The following JAG2 variants were observed in gnomAD, a reference collection of about 807,000 sequenced individuals.
The protein encoded by JAG2 is jagged canonical Notch ligand 2.
Under a neutral mutation model 141.7 loss-of-function variants are expected in JAG2, and 46 were observed. The observed-to-expected ratio is 0.32, with a 90% CI of 0.26 to 0.42. JAG2 has a LOEUF of 0.42. Ranked by LOEUF, JAG2 falls within the 10% of genes least tolerant of loss-of-function variation. JAG2 has a pLI of 1.00. For missense variants in JAG2, 1,500 were observed against 1,817.5 expected, an observed-to-expected ratio of 0.83 and a Z score of 3.18; for synonymous variants, 862 against 763.5, an observed-to-expected ratio of 1.13 and a Z score of -2.13.
intron 20 of JAG2, chr14:105,147,060 C>T (rs903729764): frequency 6.6e-6 from 4 of 603,524 alleles, no homozygotes; most frequent in South Asian, 2.0e-5. Flanking sequence ...GAGGAGCCCA[C>T]GTCAGGCTGC....
intron 18 of JAG2, 31 bp from the exon 19 acceptor site, chr14:105,147,558 A>G (rs758721778): frequency 1.2e-6 from 2 of 1,606,190 alleles, no homozygotes; most frequent in African/African-American, 1.3e-5. Context: ...GCAGGGGATC[A>G]GTACCCACCC....
chr14:105,147,655 TGGGGGCAGGGGCAGC>T, intron 18 of JAG2, 102 bp downstream of exon 18: 1 of 763,444 alleles, frequency 1.3e-6, no homozygotes, highest in Non-Finnish European at 1.9e-6. Flanking sequence ...TGCCTTTTGC[TGGGGGCAGGGGCAGC>T]AGGGGGAGGG....
intron 2 of JAG2, among the ~76,000 whole-genome samples, chr14:105,162,988 C>T (rs1484112114): frequency 6.6e-6 from 1 of 151,778 alleles, no homozygotes; most frequent in East Asian, 1.9e-4. Context: ...AAGGCCAACA[C>T]AGCCTCCCTG....
Position 105,145,711 on chromosome 14 carries a change from G to A in JAG2, c.2952+20C>T. On this transcript the variant is annotated intron_variant, in intron 23 of 25. Coordinates refer to ENST00000331782, the MANE Select transcript of JAG2 (RefSeq NM_002226.5). ...CCGGCGTGTGGCCTCTGCAAGCTCA[G>A]ATGCCACCAGGCCCCTCACCTGGGG... The A allele has an allele frequency of 1.3e-6, 2 of 1,582,082 alleles. No homozygotes were observed. The highest frequency in any genetic ancestry group is 2.3e-5 in the East Asian group (1 of 42,622).
In JAG2 at chr14:105,168,471, T is replaced by G; in HGVS notation, c.-51A>C. 1 of 498,482 alleles carries G rather than the reference T, an allele frequency of 2.0e-6. No individual in the cohort carries two copies. The highest frequency in any genetic ancestry group is 2.6e-6 in the Non-Finnish European group (1 of 391,980). The allele number at this position is 498,482 out of a possible 1,614,324, so 30.9% of individuals were successfully genotyped here. Reference sequence around the variant, plus strand: ...CCCGCCGCCGCCGCCCGCGCCCGGCTCCCAGCCGCCGCGCCGGCCTCCCAG... The same window carrying G: ...CCCGCCGCCGCCGCCCGCGCCCGGCGCCCAGCCGCCGCGCCGGCCTCCCAG... On this transcript the variant is annotated 5_prime_UTR_variant, in exon 1 of 26. Transcript: ENST00000331782.
chr14:105,158,270 G>C (rs1393519650), intron 2 of JAG2, among the ~76,000 whole-genome samples: 1 of 152,096 alleles, frequency 6.6e-6, no homozygotes, highest in East Asian at 1.9e-4. Flanking sequence ...GCCAAGTACA[G>C]GGCGCCCAGC....
chr14:105,144,249 T>G (rs946790023), intron 24 of JAG2, among the ~76,000 whole-genome samples: 10 of 135,926 alleles, frequency 7.4e-5, no homozygotes, highest in African/African-American at 2.5e-4. Flanking sequence ...GCTGTGCCCC[T>G]GCCTCCACCA....
chr14:105,143,025 G>C lies in JAG2; in HGVS notation c.3387C>G (p.Ala1129=). The C allele has an allele frequency of 5.0e-6, 8 of 1,605,986 alleles. No individual in the cohort carries two copies. The highest frequency in any genetic ancestry group is 6.8e-6 in the Non-Finnish European group (8 of 1,179,676). ...TGGGGTTGCGGATGGGGTTGAGCGG[G>C]GCCCACTGGTTGTTGGCGCTCTCCT... ...PREESANNQW[A]PLNPIRNPIE... is the part of the protein sequence containing the mutation. The change falls in exon 26 of 26, where the codon GCC becomes GCG. Residue 1129 remains alanine (A), a synonymous_variant. Coordinates refer to ENST00000331782, the MANE Select transcript of JAG2 (RefSeq NM_002226.5).
chr14:105,161,496 T>C (rs1888746111), intron 2 of JAG2, among the ~76,000 whole-genome samples: 1 of 152,132 alleles, frequency 6.6e-6, no homozygotes, highest in Non-Finnish European at 1.5e-5. Flanking sequence ...TACTGCCACC[T>C]TCGCCTGAGC....
At chr14:105,157,357 A>G (rs1449814856) in intron 3 of JAG2, among the ~76,000 whole-genome samples, 1 of 152,028 alleles carries the variant, frequency 6.6e-6, no homozygotes, top group Non-Finnish European at 1.5e-5. Context: ...TGCCTCAGGG[A>G]GAGGGCCACC....
At position 105,168,428 on chromosome 14, in the gene JAG2, G is replaced by A. The variant is rs1888992425; in HGVS notation, c.-8C>T. On this transcript the variant is annotated 5_prime_UTR_variant, in exon 1 of 26. Coordinates refer to ENST00000331782, the MANE Select transcript of JAG2 (RefSeq NM_002226.5). ...CCGGCCCTGCGCCCGCATTGCCCCC[G>A]CGACCCGCCCGCCCGGCCCCGCCGC... The A allele has an allele frequency of 8.1e-6, 7 of 861,246 alleles. No homozygotes were observed. The highest frequency in any genetic ancestry group is 6.5e-5 in the Admixed American group (1 of 15,482). The allele number at this position is 861,246 out of a possible 1,614,324, so 53.4% of individuals were successfully genotyped here. A position where few individuals can be genotyped will look rare whatever the true frequency, so the allele number is the denominator to read the frequency against.
rs1395420676 is a variant in JAG2 at position 105,167,337 on chromosome 14, G to A, written c.417+420C>T. Among the ~76,000 whole-genome samples, 3 of 152,050 alleles carry A rather than the reference G, an allele frequency of 2.0e-5. No homozygotes were observed. The highest frequency in any genetic ancestry group is 7.2e-5 in the African/African-American group (3 of 41,408). ...GCATCCAGGAAACTGCAGGGCAGGC[G>A]CAGGCTGGCCACGGGCCCGGGGCGG... On this transcript the variant is annotated intron_variant, in intron 2 of 25. Transcript: ENST00000331782. The surrounding 1 kb of genome is among the most constrained non-coding windows in gnomAD (Gnocchi z 4.8).
chr14:105,141,907 G>A lies in JAG2; in HGVS notation c.*788C>T, dbSNP rs1184111974. On this transcript the variant is annotated 3_prime_UTR_variant, in exon 26 of 26. Coordinates refer to ENST00000331782, the MANE Select transcript of JAG2 (RefSeq NM_002226.5). Reference sequence around the variant, plus strand: ...GTCTGTGTGAAGGCACTTGTCACGAGCTTCAATACTGCCGCCGTCCCAGGA... The same window carrying A: ...GTCTGTGTGAAGGCACTTGTCACGAACTTCAATACTGCCGCCGTCCCAGGA... 1 of 152,666 alleles carries A rather than the reference G, an allele frequency of 6.6e-6. No individual in the cohort carries two copies. The highest frequency in any genetic ancestry group is 1.5e-5 in the Non-Finnish European group (1 of 68,096). The allele number at this position is 152,666 out of a possible 1,614,324, so 9.5% of individuals were successfully genotyped here.
chr14:105,151,982 CGGTACT>C lies in JAG2; in HGVS notation c.989_994del (p.Gln330_Tyr331del), dbSNP rs767906472. 6.2e-7 allele frequency: 1 copy of C among 1,613,362 alleles called. No homozygotes were observed. Among genetic ancestry groups the C allele is most frequent in the Non-Finnish European group, 8.5e-7 (1 of 1,180,018 alleles). ...CGAGTAGCCGTCAGGGCAGGTGCAG[CGGTACT>C]GGTCAGGCTCGGCGTTGATGCACGT... On this transcript the variant is annotated inframe_deletion, in exon 7 of 26. Transcript: ENST00000331782.
intron 22 of JAG2, 120 bp downstream of exon 22, chr14:105,146,265 G>T: frequency 1.1e-6 from 1 of 936,126 alleles, no homozygotes. Context: ...GGGTGTCCCT[G>T]AGGGCAGACG....
In JAG2 at chr14:105,145,831, G is replaced by A. The variant is rs200465659; in HGVS notation, c.2852C>T (p.Ala951Val). ...GCAGGGGGTGCTCGGTGGCTCTTCT[G>A]CGCCGCACTCCCCCCAGGCCTCACA... ...PPCEAWGECG[A>V]EEPPSTPCLP... Residue 951 changes from alanine to valine, a missense_variant, in exon 23 of 26, where the codon GCA (alanine) becomes GTA (valine). By Grantham distance (64) the Ala-to-Val change is moderately conservative (BLOSUM62 0). Around this residue, in one of 3 missense-constraint regions of JAG2, gnomAD observed 425 missense variants for 441.0 expected, o/e 0.96. Coordinates refer to ENST00000331782, the MANE Select transcript of JAG2 (RefSeq NM_002226.5). 2.6e-6 allele frequency: 4 copies of A among 1,563,216 alleles called. No individual in the cohort carries two copies. The highest frequency in any genetic ancestry group is 4.8e-5 in the East Asian group (2 of 41,610).
chr14:105,162,103 G>C (rs1431920696), intron 2 of JAG2, among the ~76,000 whole-genome samples: 1 of 152,112 alleles, frequency 6.6e-6, no homozygotes, highest in African/African-American at 2.4e-5. Context: ...TGGGGGTCTG[G>C]GGACAGGTGA....
rs1172287566 is a variant in JAG2, at chr14:105,148,381, G to C, written c.2079C>G (p.Val693=). 5.0e-6 allele frequency: 8 copies of C among 1,612,264 alleles called. No homozygotes were observed. Among genetic ancestry groups the C allele is most frequent in the Non-Finnish European group, 6.8e-6 (8 of 1,179,578 alleles). ...CGTCGCACGCACAGTAGAAGTCATT[G>C]ACCAGGTCGTAGCAGCGGCCGCGGC... The part of the protein sequence containing the change: ...CHSRGRCYDL[V]NDFYCACDDG... Residue 693 remains valine, a synonymous_variant, in exon 16 of 26, where the codon GTC becomes GTG. Transcript: ENST00000331782.
chr14:105,155,043 C>T (rs904461980), intron 5 of JAG2, among the ~76,000 whole-genome samples: 147 of 145,792 alleles, frequency 1.0e-3, no homozygotes, highest in African/African-American at 3.5e-3. Flanking sequence ...CCCCTCACAG[C>T]CTCCCGTCTG....
Sources: gnomAD v4.1 joint callset for allele counts (sites outside exome capture counted in the v4.1 genomes callset) on GRCh38, gnomAD v4.1.1 for gene constraint, gnomAD v4.1.1 regional missense constraint, Gnocchi (gnomAD v3.1) non-coding constraint, MANE v1.5 for transcripts, NCBI Gene and HGNC (gene_info 2026-07-23, HGNC 2026-07-21) for gene names.